The following AP1G1 variants were observed in gnomAD, a reference collection of about 807,000 sequenced individuals.
AP1G1 encodes AP-1 complex subunit gamma-1.
A neutral mutation model predicts 108.3 loss-of-function variants in AP1G1; 7 were observed. The ratio of observed to expected loss-of-function variants is 0.06; its 90% CI spans 0.04 to 0.12. The LOEUF is 0.12. AP1G1 is among the 10% of genes least tolerant of loss of function. The probability of loss-of-function intolerance (pLI) is 1.00; values close to 1 mark genes in which losing one functional copy is unlikely to be tolerated. For missense variants in AP1G1, 756 were observed against 1,010.7 expected, an observed-to-expected ratio of 0.75 and a Z score of 3.42; for synonymous variants, 379 against 353.5, an observed-to-expected ratio of 1.07 and a Z score of -0.81.
chr16:71,743,243 T>A (rs1372469982), intron 19 of AP1G1: 1 of 152,138 alleles, frequency 6.6e-6, no homozygotes, highest in Non-Finnish European at 1.5e-5. Context: ...AGTAACATTT[T>A]GAAATTTTGT....
intron 11 of AP1G1, among the ~76,000 whole-genome samples, chr16:71,757,416 A>G (rs1204095484): frequency 6.7e-6 from 1 of 149,256 alleles, no homozygotes; most frequent in Non-Finnish European, 1.5e-5. Flanking sequence ...GCACCACCAC[A>G]CTCCAGCCTG....
intron 19 of AP1G1, 103 bp downstream of exon 19, chr16:71,745,041 C>T: frequency 7.7e-7 from 1 of 1,298,818 alleles, no homozygotes; most frequent in Non-Finnish European, 1.1e-6. Flanking sequence ...TTAGCCTCTC[C>T]CATCTTCAAA....
intron 1 of AP1G1, among the ~76,000 whole-genome samples, chr16:71,801,190 C>G (rs1324288368): frequency 1.3e-5 from 2 of 151,850 alleles, no homozygotes; most frequent in African/African-American, 4.8e-5. Context: ...GCCTATAATC[C>G]CAGCTACTCT....
chr16:71,774,239 G>A (rs901020531), intron 3 of AP1G1: 26 of 450,030 alleles, frequency 5.8e-5, no homozygotes, highest in Non-Finnish European at 7.9e-5. Flanking sequence ...TTAGCCAGGC[G>A]TGGTGGCAGG....
At chr16:71,738,141 G>A (rs948365609) in intron 21 of AP1G1, among the ~76,000 whole-genome samples, 1 of 152,122 alleles carries the variant, frequency 6.6e-6, no homozygotes, top group Non-Finnish European at 1.5e-5. Context: ...TCAGCCTCCT[G>A]GGTTCAAGCA....
intron 22 of AP1G1, among the ~76,000 whole-genome samples, chr16:71,733,567 T>C (rs1212300323): frequency 8.0e-5 from 2 of 24,906 alleles, no homozygotes; most frequent in African/African-American, 3.1e-4. Flanking sequence ...GGTTTCACCA[T>C]GTTGGCCAGG....
intron 4 of AP1G1, among the ~76,000 whole-genome samples, chr16:71,772,666 G>A (rs2031622208): frequency 6.6e-6 from 1 of 152,142 alleles, no homozygotes; most frequent in Non-Finnish European, 1.5e-5. Context: ...ACAGATCACA[G>A]TTTATGTTCA....
Position 71,777,539 on chromosome 16 carries a change from G to C in AP1G1, c.202-2947C>G, listed in dbSNP as rs370561061. The C allele has an allele frequency of 1.0e-4, 34 of 330,602 alleles. No homozygotes were observed. In the Middle Eastern group the frequency reaches 3.4e-3, roughly 33 times the overall value. 20.5% of individuals were successfully genotyped at this position (330,602 alleles called of 1,614,324 possible). ...AGCCAGGCGAAGAGTGGCTGGACTT[G>C]TCTGTTCCCACCCCAACCTCCAGGC... On this transcript the variant is annotated intron_variant, in intron 2 of 22. Coordinates refer to ENST00000299980, the MANE Select transcript of AP1G1 (RefSeq NM_001128.6).
chr16:71,738,966 A>G lies in AP1G1; in HGVS notation c.2244T>C (p.Phe748=). The change falls in exon 21 of 23, where the codon TTT becomes TTC. Residue 748 remains phenylalanine (F), a synonymous_variant. Transcript: ENST00000299980. The stretch of plus-strand genomic sequence containing the variant: ...CCTTTGGTACTGCAGCTTGGAAAAC[A>G]AAGTCCGTCATATCTAGCTCTGTGC... ...SNSTELDMTD[F]VFQAAVPKTF... is the part of the protein sequence containing the mutation. 1 of 1,614,094 alleles carries G rather than the reference A, an allele frequency of 6.2e-7. No individual in the cohort carries two copies. Among genetic ancestry groups the G allele is most frequent in the Non-Finnish European group, 8.5e-7 (1 of 1,180,006 alleles).
intron 2 of AP1G1, among the ~76,000 whole-genome samples, chr16:71,782,676 C>T (rs975871467): frequency 4.0e-5 from 6 of 151,776 alleles, no homozygotes; most frequent in Non-Finnish European, 8.8e-5. Context: ...TTAGTAGAGA[C>T]AGGGTTTCAT....
rs542953796 is a variant in AP1G1 at position 71,730,076 on chromosome 16, G to T, written c.*2982C>A. 10 of 152,682 alleles carry T rather than the reference G, an allele frequency of 6.5e-5. No individual in the cohort carries two copies. The highest frequency in any genetic ancestry group is 2.4e-4 in the African/African-American group (10 of 41,570). 9.5% of individuals were successfully genotyped at this position (152,682 alleles called of 1,614,324 possible). ...ACAAATCACACCTTTAAACTAGCAA[G>T]AGGAAAGAATCCCCTCCCAAATGTT... On this transcript the variant is annotated 3_prime_UTR_variant, in exon 23 of 23. Transcript: ENST00000299980.
chr16:71,769,169 G>A (rs1371335254), intron 6 of AP1G1, among the ~76,000 whole-genome samples: 1 of 151,428 alleles, frequency 6.6e-6, no homozygotes, highest in Non-Finnish European at 1.5e-5. Flanking sequence ...TGTAATCCCA[G>A]CTACAAGGAA....
intron 2 of AP1G1, among the ~76,000 whole-genome samples, chr16:71,779,795 C>T (rs1280795642): frequency 1.3e-5 from 2 of 151,946 alleles, no homozygotes; most frequent in African/African-American, 2.4e-5. Flanking sequence ...AAAGCTGCAC[C>T]TATTTTGTTA....
intron 11 of AP1G1, among the ~76,000 whole-genome samples, chr16:71,757,864 G>A (rs2145453191): frequency 6.6e-6 from 1 of 152,256 alleles, no homozygotes; most frequent in East Asian, 1.9e-4. Flanking sequence ...CCCCTTACAA[G>A]GATTAAGGTT....
At chr16:71,786,649 G>C (rs950503573) in intron 2 of AP1G1, among the ~76,000 whole-genome samples, 1 of 151,954 alleles carries the variant, frequency 6.6e-6, no homozygotes, top group Non-Finnish European at 1.5e-5. Flanking sequence ...TTAGTAGAGA[G>C]GGGGTTCCAC....
At position 71,729,013 on chromosome 16, in the gene AP1G1, G is replaced by A. The variant is rs2045453714; in HGVS notation, c.*4045C>T. On this transcript the variant is annotated 3_prime_UTR_variant, in exon 23 of 23. Coordinates refer to ENST00000299980, the MANE Select transcript of AP1G1 (RefSeq NM_001128.6). ...CAAGGAAGCAAATTTTAAATCATTG[G>A]GTATTGACTTTTTATTATTAGTCAC... 1.3e-5 allele frequency: 2 copies of A among 152,418 alleles called. No homozygotes were observed. The highest frequency in any genetic ancestry group is 2.9e-5 in the Non-Finnish European group (2 of 68,014). The allele number at this position is 152,418 out of a possible 1,614,324, so 9.4% of individuals were successfully genotyped here.
chr16:71,807,161 C>T (rs1229377049), intron 1 of AP1G1, among the ~76,000 whole-genome samples: 3 of 150,020 alleles, frequency 2.0e-5, no homozygotes, highest in Non-Finnish European at 4.4e-5. Context: ...CACGGTGGCT[C>T]ACGCCTGTAA....
At chr16:71,780,487 T>C (rs2145505067) in intron 2 of AP1G1, among the ~76,000 whole-genome samples, 1 of 132,200 alleles carries the variant, frequency 7.6e-6, no homozygotes, top group African/African-American at 3.0e-5. Context: ...TAAGATCCTG[T>C]CTCTTAATTT....
At chr16:71,735,133 G>C (rs1183988409) in intron 21 of AP1G1, among the ~76,000 whole-genome samples, 5 of 152,144 alleles carry the variant, frequency 3.3e-5, no homozygotes. Flanking sequence ...CAACATACTG[G>C]TCACCAACTA....
Sources: gnomAD v4.1 joint callset for allele counts (sites outside exome capture counted in the v4.1 genomes callset) on GRCh38, gnomAD v4.1.1 for gene constraint, MANE v1.5 for transcripts, NCBI Gene and HGNC (gene_info 2026-07-23, HGNC 2026-07-21) for gene names.